CD2: variants seen among roughly 807,000 people sequenced by gnomAD.
CD2 encodes CD2 molecule, also known as T-cell surface antigen CD2.
In CD2, 18 loss-of-function variants were observed where a neutral mutation model predicts 23.2. The observed-to-expected ratio is 0.77, with a 90% CI of 0.54 to 1.15. The LOEUF is 1.15. CD2 is among the 50% of genes most tolerant of loss of function. The pLI, the probability that CD2 is intolerant of heterozygous loss-of-function variation, is 0.00. For missense variants in CD2, 424 were observed against 423.1 expected, an observed-to-expected ratio of 1.00 and a Z score of -0.02; for synonymous variants, 162 against 151.9, an observed-to-expected ratio of 1.07 and a Z score of -0.49.
rs1211194667 is a variant in CD2, at chr1:116,769,007, A to C, written c.*224A>C. On this transcript the variant is annotated 3_prime_UTR_variant, in exon 5 of 5. Transcript: ENST00000369478. Reference sequence around the variant, plus strand: ...CATCACACCAGTAAGGAGAAGCAATATAAGTGTGATTGCAAGAATGGTAGA... The same window carrying C: ...CATCACACCAGTAAGGAGAAGCAATCTAAGTGTGATTGCAAGAATGGTAGA... 1.8e-6 allele frequency: 1 copy of C among 543,848 alleles called. No individual in the cohort carries two copies. Among genetic ancestry groups the C allele is most frequent in the Non-Finnish European group, 3.2e-6 (1 of 308,508 alleles). The allele number at this position is 543,848 out of a possible 1,614,324, so 33.7% of individuals were successfully genotyped here. A position where few individuals can be genotyped will look rare whatever the true frequency, so the allele number is the denominator to read the frequency against.
intron 2 of CD2, 123 bp from the exon 3 acceptor site, chr1:116,760,279 G>T: frequency 1.5e-6 from 1 of 677,454 alleles, no homozygotes; most frequent in Non-Finnish European, 2.5e-6. Context: ...TCCAAAAGTT[G>T]CTAGAGGTCT....
rs1652305078 is a variant in CD2 at position 116,768,800 on chromosome 1, CTT to C, written c.*21_*22del. ...TCTAATTAAAAAAGATAGAAACTGT[CTT>C]TTTCAATAAAAAGCACTGTGGATTT... On this transcript the variant is annotated 3_prime_UTR_variant, in exon 5 of 5. Coordinates refer to ENST00000369478, the MANE Select transcript of CD2 (RefSeq NM_001767.5). 6.3e-7 allele frequency: 1 copy of C among 1,594,698 alleles called. No individual in the cohort carries two copies. The highest frequency in any genetic ancestry group is 8.5e-7 in the Non-Finnish European group (1 of 1,171,040).
intron 2 of CD2, among the ~76,000 whole-genome samples, chr1:116,759,654 C>T (rs1309226880): frequency 1.3e-5 from 2 of 152,166 alleles, no homozygotes; most frequent in East Asian, 1.9e-4. Context: ...CATGTTGCTC[C>T]TTTTGTGACA....
intron 2 of CD2, 130 bp downstream of exon 2, chr1:116,755,081 T>G (rs1287147855): frequency 3.2e-5 from 21 of 655,172 alleles, no homozygotes; most frequent in Non-Finnish European, 4.8e-5. Flanking sequence ...ACCAGATGCA[T>G]GTCTCCTGCC....
intron 4 of CD2, among the ~76,000 whole-genome samples, chr1:116,765,917 G>A (rs1161016443): frequency 6.6e-6 from 1 of 152,258 alleles, no homozygotes; most frequent in Non-Finnish European, 1.5e-5. Flanking sequence ...AGCTTTCAGA[G>A]TGATCTTAGG....
intron 3 of CD2, among the ~76,000 whole-genome samples, chr1:116,763,135 G>T (rs1652109130): frequency 6.6e-6 from 1 of 152,240 alleles, no homozygotes; most frequent in Admixed American, 6.5e-5. Context: ...AATGGTTTAA[G>T]ATTATGTCTG....
At chr1:116,764,676 C>A in intron 4 of CD2, 70 bp downstream of exon 4, 17 of 1,109,692 alleles carry the variant, frequency 1.5e-5, no homozygotes, top group Non-Finnish European at 2.2e-5. Context: ...ATGGGGATGA[C>A]ACCTTGAATC....
chr1:116,763,008 C>A (rs553806935), intron 3 of CD2, among the ~76,000 whole-genome samples: 1 of 152,332 alleles, frequency 6.6e-6, no homozygotes, highest in Non-Finnish European at 1.5e-5. Flanking sequence ...CCTGCCCCAC[C>A]CCGGGTCAAA....
intron 2 of CD2, among the ~76,000 whole-genome samples, chr1:116,756,839 C>G (rs1369989493): frequency 6.6e-6 from 1 of 152,092 alleles, no homozygotes; most frequent in East Asian, 1.9e-4. Flanking sequence ...TGGGCAAATT[C>G]CCTATCTGCT....
At chr1:116,756,054 C>T (rs3136699) in intron 2 of CD2, among the ~76,000 whole-genome samples, 20,809 of 152,098 alleles carry the variant, frequency 0.14, 1,541 homozygotes, top group Middle Eastern at 0.22. Flanking sequence ...ATCTTCAGCA[C>T]CTGGGCCTAC....
chr1:116,764,712 A>G (rs1293142944), intron 4 of CD2, 106 bp downstream of exon 4: 1 of 860,438 alleles, frequency 1.2e-6, no homozygotes, highest in Non-Finnish European at 1.9e-6. Context: ...GGAAATAGGT[A>G]GTTTCGGAAT....
chr1:116,764,449 C>T, intron 3 of CD2, 35 bp from the exon 4 acceptor site: 1 of 1,608,008 alleles, frequency 6.2e-7, no homozygotes. Flanking sequence ...CTGCCTGGAC[C>T]CCTCCCAGCC....
chr1:116,764,322 G>A, intron 3 of CD2, 162 bp from the exon 4 acceptor site: 2 of 700,048 alleles, frequency 2.9e-6, no homozygotes, highest in Non-Finnish European at 3.5e-6. Flanking sequence ...GTCCTTCCAG[G>A]GTTGACACCA....
At chr1:116,757,241 C>A (rs1302461698) in intron 2 of CD2, among the ~76,000 whole-genome samples, 1 of 152,120 alleles carries the variant, frequency 6.6e-6, no homozygotes, top group African/African-American at 2.4e-5. Context: ...AGGGGATCCG[C>A]CTGCATCGGC....
At chr1:116,764,148 T>C (rs760208573) in intron 3 of CD2, among the ~76,000 whole-genome samples, 2 of 152,094 alleles carry the variant, frequency 1.3e-5, no homozygotes, top group Non-Finnish European at 2.9e-5. Context: ...AGCTAGAGGT[T>C]GCATTTAGAG....
chr1:116,762,525 G>A (rs1652088797), intron 3 of CD2, among the ~76,000 whole-genome samples: 1 of 152,174 alleles, frequency 6.6e-6, no homozygotes, highest in Non-Finnish European at 1.5e-5. Flanking sequence ...CCCGAAAAGG[G>A]ATTTGGAAGT....
chr1:116,764,097 CT>C (rs1652138363), intron 3 of CD2, among the ~76,000 whole-genome samples: 2 of 151,822 alleles, frequency 1.3e-5, no homozygotes, highest in Non-Finnish European at 2.9e-5. Context: ...TATTGTGTGG[CT>C]TCGGGCAACT....
At chr1:116,756,582 T>C (rs904601068) in intron 2 of CD2, among the ~76,000 whole-genome samples, 3 of 152,120 alleles carry the variant, frequency 2.0e-5, no homozygotes, top group Non-Finnish European at 4.4e-5. Context: ...TCTTTTTTTT[T>C]CCAAGCAGCT....
intron 2 of CD2, among the ~76,000 whole-genome samples, chr1:116,759,439 A>C (rs893402729): frequency 6.6e-6 from 1 of 151,758 alleles, no homozygotes; most frequent in African/African-American, 2.4e-5. Context: ...AAAAAAAAAA[A>C]ACAGAAGACG....
Sources: gnomAD v4.1 joint callset for allele counts (sites outside exome capture counted in the v4.1 genomes callset) on GRCh38, gnomAD v4.1.1 for gene constraint, MANE v1.5 for transcripts, NCBI Gene and HGNC (gene_info 2026-07-23, HGNC 2026-07-21) for gene names.